The following MCEMP1 variants were observed in gnomAD, a reference collection of about 807,000 sequenced individuals.
MCEMP1 encodes the protein mast cell-expressed membrane protein 1.
MCEMP1 carries 17 observed loss-of-function variants against 27.9 expected under a neutral mutation model. That is an observed-to-expected ratio of 0.61 (90% CI 0.42 to 0.91). The LOEUF (loss-of-function observed/expected upper bound fraction) is 0.91, where lower values mean the gene tolerates loss of function less well. MCEMP1 is among the 40% of genes least tolerant of loss of function. MCEMP1 has a pLI of 0.00. For synonymous variants in MCEMP1, 88 were observed against 76.9 expected, an observed-to-expected ratio of 1.14 and a Z score of -0.76; for missense variants, 200 against 204.8, an observed-to-expected ratio of 0.98 and a Z score of 0.14.
rs1265373023 is a variant in MCEMP1, at chr19:7,679,232, G to A, written c.*118G>A. ...AGTGTGAACCTGCCCCTCGTCCCAC[G>A]TATAGAAAAACCTCGAGTCATGGTG... is the stretch of plus-strand genomic sequence containing the variant. On this transcript the variant is annotated 3_prime_UTR_variant, in exon 7 of 7. Transcript: ENST00000333598. The surrounding 1 kb of genome is among the most constrained non-coding windows in gnomAD (Gnocchi z 4.9). 51 of 1,262,852 alleles carry A rather than the reference G, an allele frequency of 4.0e-5. No individual in the cohort carries two copies. The highest frequency in any genetic ancestry group is 5.0e-5 in the Non-Finnish European group (46 of 928,670). The allele number at this position is 1,262,852 out of a possible 1,614,324, so 78.2% of individuals were successfully genotyped here. A position where few individuals can be genotyped will look rare whatever the true frequency, so the allele number is the denominator to read the frequency against.
At position 7,679,319 on chromosome 19, in the gene MCEMP1, C is replaced by CGCGTGCGCGT. The variant is rs996833616; in HGVS notation, c.*210_*211insCGCGTGCGTG. 1.6e-6 allele frequency: 1 copy of CGCGTGCGCGT among 629,186 alleles called. No homozygotes were observed. The highest frequency in any genetic ancestry group is 2.7e-6 in the Non-Finnish European group (1 of 366,232). The allele number at this position is 629,186 out of a possible 1,614,324, so 39.0% of individuals were successfully genotyped here. A position where few individuals can be genotyped will look rare whatever the true frequency, so the allele number is the denominator to read the frequency against. ...CTGCGTGCGTGTGTGTGCGTGTGTG[C>CGCGTGCGCGT]GCGTGTGTTCGTGTATGTGCGTGTG... is the stretch of plus-strand genomic sequence containing the variant. On this transcript the variant is annotated 3_prime_UTR_variant, in exon 7 of 7. Coordinates refer to ENST00000333598, the MANE Select transcript of MCEMP1 (RefSeq NM_174918.3). This position sits in a 1 kb window ranked among gnomAD's most constrained non-coding sequence, Gnocchi z 4.9.
At position 7,677,290 on chromosome 19, in the gene MCEMP1, T is replaced by A; in HGVS notation, c.55+115T>A. On this transcript the variant is annotated intron_variant, in intron 1 of 6. Transcript: ENST00000333598. This position sits in a 1 kb window ranked among gnomAD's most constrained non-coding sequence, Gnocchi z 4.6. The stretch of plus-strand genomic sequence containing the variant: ...GGGAGGCTGAGGCGGGAGGATTGCG[T>A]GAGCCCTGGAGGTGGAGACTGGCCT... 6.4e-6 allele frequency: 6 copies of A among 932,074 alleles called. No homozygotes were observed. Among genetic ancestry groups the A allele is most frequent in the Middle Eastern group, 2.6e-4 (1 of 3,900 alleles). The allele number at this position is 932,074 out of a possible 1,614,324, so 57.7% of individuals were successfully genotyped here. A position where few individuals can be genotyped will look rare whatever the true frequency, so the allele number is the denominator to read the frequency against.
Position 7,677,857 on chromosome 19 carries a change from T to C in MCEMP1, c.145+131T>C, listed in dbSNP as rs568333836. 288 of 1,052,584 alleles carry C rather than the reference T, an allele frequency of 2.7e-4. 7 individuals are homozygous for C. In the South Asian group the frequency reaches 4.3e-3, roughly 16 times the overall value. 65.2% of individuals were successfully genotyped at this position (1,052,584 alleles called of 1,614,324 possible). A position where few individuals can be genotyped will look rare whatever the true frequency, so the allele number is the denominator to read the frequency against. On this transcript the variant is annotated intron_variant, in intron 2 of 6. Coordinates refer to ENST00000333598, the MANE Select transcript of MCEMP1 (RefSeq NM_174918.3). The surrounding 1 kb of genome is among the most constrained non-coding windows in gnomAD (Gnocchi z 4.6). ...AAGGAAGAGGTGACAGCTGTTGACGTGCTAATGAGGTCTGTTGATGATGAC... is the reference window on the plus strand; with the variant it reads ...AAGGAAGAGGTGACAGCTGTTGACGCGCTAATGAGGTCTGTTGATGATGAC...
chr19:7,677,222 G>T lies in MCEMP1; in HGVS notation c.55+47G>T. 6.7e-7 allele frequency: 1 copy of T among 1,496,828 alleles called. No homozygotes were observed. Among genetic ancestry groups the T allele is most frequent in the Non-Finnish European group, 9.1e-7 (1 of 1,097,248 alleles). The allele number at this position is 1,496,828 out of a possible 1,614,324, so 92.7% of individuals were successfully genotyped here. ...GGGAGGGGTTAAGAAGGAGAGATTG[G>T]GGGGCCGGGGGCTTTTGCTCATGTC... On this transcript the variant is annotated intron_variant, in intron 1 of 6. Transcript: ENST00000333598. This position sits in a 1 kb window ranked among gnomAD's most constrained non-coding sequence, Gnocchi z 4.6.
Position 7,678,592 on chromosome 19 carries a change from A to G in MCEMP1, c.436A>G (p.Thr146Ala), listed in dbSNP as rs138136167. 9.3e-6 allele frequency: 15 copies of G among 1,613,416 alleles called. No individual in the cohort carries two copies. The African/African-American group carries it at 1.9e-4, about 20-fold the overall frequency. The change falls in exon 5 of 7, where the codon ACG becomes GCG. Residue 146 changes from threonine to alanine, a missense_variant. Transcript: ENST00000333598. This position sits in a 1 kb window ranked among gnomAD's most constrained non-coding sequence, Gnocchi z 4.8. ...CAGGAGCAAGATTGATAGATTAGAG[A>G]CGACATTAGCAGGTGCCTGTGTAGT... The part of the protein sequence containing the change: ...MVRSKIDRLE[T>A]TLAGIKNIDT...
rs1481474940 is a variant in MCEMP1, at chr19:7,678,225, C to T, written c.267C>T (p.Ala89=). The change falls in exon 3 of 7, where the codon GCC becomes GCT. Residue 89 remains alanine, a synonymous_variant. Coordinates refer to ENST00000333598, the MANE Select transcript of MCEMP1 (RefSeq NM_174918.3). This position sits in a 1 kb window ranked among gnomAD's most constrained non-coding sequence, Gnocchi z 4.8. ...TTGTCCTCTGCATCATCCTGTCAGCCTTCATCATGGTGAAGAGTGAGTACT... is the reference window on the plus strand; with the variant it reads ...TTGTCCTCTGCATCATCCTGTCAGCTTTCATCATGGTGAAGAGTGAGTACT... ...LAFVLCIILS[A]FIMVKNAEMS... 1.2e-6 allele frequency: 2 copies of T among 1,614,090 alleles called. No homozygotes were observed. Among genetic ancestry groups the T allele is most frequent in the Non-Finnish European group, 1.7e-6 (2 of 1,179,980 alleles).
In MCEMP1 at chr19:7,677,937, G is replaced by A; in HGVS notation, c.146-167G>A. 8.6e-7 allele frequency: 1 copy of A among 1,159,834 alleles called. No individual in the cohort carries two copies. Among genetic ancestry groups the A allele is most frequent in the Non-Finnish European group, 1.2e-6 (1 of 816,846 alleles). 71.8% of individuals were successfully genotyped at this position (1,159,834 alleles called of 1,614,324 possible). A position where few individuals can be genotyped will look rare whatever the true frequency, so the allele number is the denominator to read the frequency against. On this transcript the variant is annotated intron_variant, in intron 2 of 6. Transcript: ENST00000333598. This position sits in a 1 kb window ranked among gnomAD's most constrained non-coding sequence, Gnocchi z 4.6. ...GTGATGGTGACGGTGTTAGATCGCT[G>A]AGGGTGGCTGGTGGTGGCAGTGTTG...
At position 7,678,629 on chromosome 19, in the gene MCEMP1, T is replaced by TG; in HGVS notation, c.448+30dup. On this transcript the variant is annotated intron_variant, in intron 5 of 6. Coordinates refer to ENST00000333598, the MANE Select transcript of MCEMP1 (RefSeq NM_174918.3). This position sits in a 1 kb window ranked among gnomAD's most constrained non-coding sequence, Gnocchi z 4.8. ...GGTGCCTGTGTAGTCTCGCCTTCTA[T>TG]GGGGGTTATTTGTCACCAATGCCCG... The TG allele has an allele frequency of 1.9e-6, 3 of 1,585,050 alleles. No individual in the cohort carries two copies. Among genetic ancestry groups the TG allele is most frequent in the Non-Finnish European group, 2.6e-6 (3 of 1,157,464 alleles).
chr19:7,678,814 C>T lies in MCEMP1; in HGVS notation c.449-110C>T, dbSNP rs916724178. The T allele has an allele frequency of 2.2e-5, 27 of 1,235,448 alleles. 1 individual carries two copies. The Middle Eastern group carries it at 1.4e-3, about 63-fold the overall frequency. The allele number at this position is 1,235,448 out of a possible 1,614,324, so 76.5% of individuals were successfully genotyped here. Reference sequence around the variant, plus strand: ...CAAATCCATGGGCTCTGCTGTACCCCAGGGTGGGTGTGGGGCAGGGGGGGT... The same window carrying T: ...CAAATCCATGGGCTCTGCTGTACCCTAGGGTGGGTGTGGGGCAGGGGGGGT... On this transcript the variant is annotated intron_variant, in intron 5 of 6. Coordinates refer to ENST00000333598, the MANE Select transcript of MCEMP1 (RefSeq NM_174918.3). This position sits in a 1 kb window ranked among gnomAD's most constrained non-coding sequence, Gnocchi z 4.8.
In MCEMP1 at chr19:7,678,886, G is replaced by T; in HGVS notation, c.449-38G>T. On this transcript the variant is annotated intron_variant, in intron 5 of 6. Transcript: ENST00000333598. This position sits in a 1 kb window ranked among gnomAD's most constrained non-coding sequence, Gnocchi z 4.8. ...TTTGTTTGAGGCTCCACCGCAGCTT[G>T]ACTTATCTGTTCCCACCCAACCCTC... is the stretch of plus-strand genomic sequence containing the variant. The T allele has an allele frequency of 6.6e-7, 1 of 1,516,736 alleles. No individual in the cohort carries two copies. The highest frequency in any genetic ancestry group is 1.2e-5 in the South Asian group (1 of 82,800). 94.0% of individuals were successfully genotyped at this position (1,516,736 alleles called of 1,614,324 possible).
rs2032597645 is a variant in MCEMP1, at chr19:7,679,378, G to A, written c.*264G>A. 2.0e-6 allele frequency: 1 copy of A among 492,766 alleles called. No homozygotes were observed. The highest frequency in any genetic ancestry group is 3.6e-6 in the Non-Finnish European group (1 of 279,798). The allele number at this position is 492,766 out of a possible 1,614,324, so 30.5% of individuals were successfully genotyped here. ...CGTGTGTGTGCATTTTGCAAAGGGTGGACATTTCAGTGTATCTCCCAGAAA... is the reference window on the plus strand; with the variant it reads ...CGTGTGTGTGCATTTTGCAAAGGGTAGACATTTCAGTGTATCTCCCAGAAA... On this transcript the variant is annotated 3_prime_UTR_variant, in exon 7 of 7. Transcript: ENST00000333598. This position sits in a 1 kb window ranked among gnomAD's most constrained non-coding sequence, Gnocchi z 4.9.
At position 7,678,918 on chromosome 19, in the gene MCEMP1, C is replaced by T. The variant is rs765502966; in HGVS notation, c.449-6C>T. 19 of 1,550,830 alleles carry T rather than the reference C, an allele frequency of 1.2e-5. No homozygotes were observed. Among genetic ancestry groups the T allele is most frequent in the Non-Finnish European group, 1.7e-5 (19 of 1,138,738 alleles). On this transcript the variant is annotated splice_polypyrimidine_tract_variant and splice_region_variant and intron_variant, in intron 5 of 6. Coordinates refer to ENST00000333598, the MANE Select transcript of MCEMP1 (RefSeq NM_174918.3). The surrounding 1 kb of genome is among the most constrained non-coding windows in gnomAD (Gnocchi z 4.8). ...CTGTTCCCACCCAACCCTCCCCGCC[C>T]CCTAGGCATAAAAAACATTGACACA...
chr19:7,677,795 G>GC lies in MCEMP1; in HGVS notation c.145+74dup. 2.1e-6 allele frequency: 3 copies of GC among 1,400,998 alleles called. No homozygotes were observed. The highest frequency in any genetic ancestry group is 2.9e-6 in the Non-Finnish European group (3 of 1,029,906). The allele number at this position is 1,400,998 out of a possible 1,614,324, so 86.8% of individuals were successfully genotyped here. A position where few individuals can be genotyped will look rare whatever the true frequency, so the allele number is the denominator to read the frequency against. On this transcript the variant is annotated intron_variant, in intron 2 of 6. Transcript: ENST00000333598. The surrounding 1 kb of genome is among the most constrained non-coding windows in gnomAD (Gnocchi z 4.6). ...GGGCAGGTGGGCGGGCAACTGCAGG[G>GC]CCCCCGGGGCTGCGTGGAAGGGAGG...
rs117758146 is a variant in MCEMP1, at chr19:7,677,492, C to T, written c.56-145C>T. 8,967 of 791,920 alleles carry T rather than the reference C, an allele frequency of 0.011. 95 individuals carry two copies. The highest frequency in any genetic ancestry group is 0.012 in the Non-Finnish European group (5,688 of 465,152). The allele number at this position is 791,920 out of a possible 1,614,324, so 49.1% of individuals were successfully genotyped here. A position where few individuals can be genotyped will look rare whatever the true frequency, so the allele number is the denominator to read the frequency against. On this transcript the variant is annotated intron_variant, in intron 1 of 6. Coordinates refer to ENST00000333598, the MANE Select transcript of MCEMP1 (RefSeq NM_174918.3). This position sits in a 1 kb window ranked among gnomAD's most constrained non-coding sequence, Gnocchi z 4.6. ...CACTCAAACTCTCACACACCCGCTC[C>T]ACTTAACCAAAAAGCAGATTTTAGC...
rs768697623 is a variant in MCEMP1 at position 7,677,732 on chromosome 19, C to A, written c.145+6C>A. On this transcript the variant is annotated splice_donor_region_variant and intron_variant, in intron 2 of 6. Coordinates refer to ENST00000333598, the MANE Select transcript of MCEMP1 (RefSeq NM_174918.3). The surrounding 1 kb of genome is among the most constrained non-coding windows in gnomAD (Gnocchi z 4.6). ...TTCACGACCCACGAGCCAAGGTGAGCAGACACCCACCTGCTCACATCCCAT... is the reference window on the plus strand; with the variant it reads ...TTCACGACCCACGAGCCAAGGTGAGAAGACACCCACCTGCTCACATCCCAT... 6.3e-7 allele frequency: 1 copy of A among 1,596,970 alleles called. No homozygotes were observed. Among genetic ancestry groups the A allele is most frequent in the South Asian group, 1.1e-5 (1 of 88,282 alleles).
rs1296695707 is a variant in MCEMP1 at position 7,679,200 on chromosome 19, C to G, written c.*86C>G. On this transcript the variant is annotated 3_prime_UTR_variant, in exon 7 of 7. Transcript: ENST00000333598. The surrounding 1 kb of genome is among the most constrained non-coding windows in gnomAD (Gnocchi z 4.9). ...GAAGACGGGAAATGACCCCCCCCCC[C>G]CAGCCTAGTGTGAACCTGCCCCTCG... is the stretch of plus-strand genomic sequence containing the variant. The G allele has an allele frequency of 1.7e-6, 2 of 1,178,740 alleles. No homozygotes were observed. The highest frequency in any genetic ancestry group is 3.5e-5 in the African/African-American group (2 of 56,340). The allele number at this position is 1,178,740 out of a possible 1,614,324, so 73.0% of individuals were successfully genotyped here. A position where few individuals can be genotyped will look rare whatever the true frequency, so the allele number is the denominator to read the frequency against.
Position 7,679,259 on chromosome 19 carries a change from ATGAG to A in MCEMP1, c.*148_*151del, listed in dbSNP as rs1232931378. The A allele has an allele frequency of 5.9e-6, 6 of 1,021,758 alleles. No homozygotes were observed. The highest frequency in any genetic ancestry group is 8.5e-6 in the Non-Finnish European group (6 of 709,374). 63.3% of individuals were successfully genotyped at this position (1,021,758 alleles called of 1,614,324 possible). A position where few individuals can be genotyped will look rare whatever the true frequency, so the allele number is the denominator to read the frequency against. Reference sequence around the variant, plus strand: ...ATAGAAAAACCTCGAGTCATGGTGAATGAGTGTCTCGGAGTTGCTCGTGTGTGTG... The same window carrying A: ...ATAGAAAAACCTCGAGTCATGGTGAATGTCTCGGAGTTGCTCGTGTGTGTG... On this transcript the variant is annotated 3_prime_UTR_variant, in exon 7 of 7. Transcript: ENST00000333598. The surrounding 1 kb of genome is among the most constrained non-coding windows in gnomAD (Gnocchi z 4.9).
chr19:7,679,219 C>A lies in MCEMP1; in HGVS notation c.*105C>A, dbSNP rs1334930708. 2.7e-5 allele frequency: 36 copies of A among 1,323,956 alleles called. No homozygotes were observed. In the South Asian group the frequency reaches 3.9e-4, roughly 14 times the overall value. The allele number at this position is 1,323,956 out of a possible 1,614,324, so 82.0% of individuals were successfully genotyped here. ...CCCCCCCCAGCCTAGTGTGAACCTG[C>A]CCCTCGTCCCACGTATAGAAAAACC... On this transcript the variant is annotated 3_prime_UTR_variant, in exon 7 of 7. Coordinates refer to ENST00000333598, the MANE Select transcript of MCEMP1 (RefSeq NM_174918.3). The surrounding 1 kb of genome is among the most constrained non-coding windows in gnomAD (Gnocchi z 4.9).
rs1265648288 is a variant in MCEMP1, at chr19:7,677,605, A to C, written c.56-32A>C. On this transcript the variant is annotated intron_variant, in intron 1 of 6. Transcript: ENST00000333598. This position sits in a 1 kb window ranked among gnomAD's most constrained non-coding sequence, Gnocchi z 4.6. ...ATCCCGGATCCACTCTCCACACCAC[A>C]GAGCTCTGAGCAGATCTCCAACCCC... 1 of 1,568,124 alleles carries C rather than the reference A, an allele frequency of 6.4e-7. No homozygotes were observed. The highest frequency in any genetic ancestry group is 8.8e-7 in the Non-Finnish European group (1 of 1,138,090).
Sources: allele counts gnomAD v4.1 joint callset, GRCh38; gene constraint gnomAD v4.1.1; non-coding constraint Gnocchi (gnomAD v3.1); transcripts MANE v1.5; gene names NCBI Gene and HGNC (gene_info 2026-07-23, HGNC 2026-07-21).